Variants in ICA1 observed in about 807,000 individuals in gnomAD.
ICA1 encodes islet cell autoantigen 1.
A neutral mutation model predicts 71.0 loss-of-function variants in ICA1; 40 were observed. That is an observed-to-expected ratio of 0.56 (90% CI 0.44 to 0.73). The LOEUF (loss-of-function observed/expected upper bound fraction) is 0.73, where lower values mean the gene tolerates loss of function less well. ICA1 is among the 30% of genes least tolerant of loss of function. The pLI is 0.00. For missense variants in ICA1, 578 were observed against 576.5 expected, an observed-to-expected ratio of 1.00 and a Z score of -0.03; for synonymous variants, 207 against 209.5, an observed-to-expected ratio of 0.99 and a Z score of 0.10.
chr7:8,164,057 G>A (rs1188433507), intron 6 of ICA1, among the ~76,000 whole-genome samples: 3 of 151,854 alleles, frequency 2.0e-5, no homozygotes, highest in Non-Finnish European at 4.4e-5. Flanking sequence ...CCTGTAATCC[G>A]CACTTTGGGA....
intron 1 of ICA1, among the ~76,000 whole-genome samples, chr7:8,259,708 A>C (rs936198349): frequency 3.3e-5 from 5 of 152,216 alleles, no homozygotes; most frequent in Admixed American, 2.0e-4. Context: ...ACGGCTAGTT[A>C]GGTGTTACCG....
intron 13 of ICA1, among the ~76,000 whole-genome samples, chr7:8,115,975 TGGG>T (rs982407774): frequency 6.6e-6 from 1 of 152,224 alleles, no homozygotes; most frequent in African/African-American, 2.4e-5. Flanking sequence ...CAACCAAACT[TGGG>T]GACCACCCAA....
chr7:8,228,304 A>G (rs1444609281), intron 4 of ICA1, among the ~76,000 whole-genome samples: 1 of 152,210 alleles, frequency 6.6e-6, no homozygotes, highest in Non-Finnish European at 1.5e-5. Flanking sequence ...ATTAAAAAAA[A>G]ACCTGAAGGT....
rs115734574 is a variant in ICA1 at position 8,138,666 on chromosome 7, C to T, written c.1060+174G>A. On this transcript the variant is annotated intron_variant, in intron 12 of 13. Transcript: ENST00000402384. ...TTATACTAATGATGATAGGTCTACA[C>T]ATACTATTTTGTGCTTGGGCATATT... Among the ~76,000 whole-genome samples the T allele has an allele frequency of 6.8e-3, 1,028 of 152,280 alleles. 11 individuals are homozygous for T. The highest frequency in any genetic ancestry group is 0.023 in the African/African-American group (955 of 41,546).
intron 9 of ICA1, among the ~76,000 whole-genome samples, chr7:8,142,554 T>C (rs1320505605): frequency 5.3e-5 from 8 of 152,224 alleles, no homozygotes. Flanking sequence ...ATTTTGATTG[T>C]ATGAACTTAT....
At chr7:8,124,660 A>G (rs1156323455) in intron 13 of ICA1, among the ~76,000 whole-genome samples, 1 of 152,176 alleles carries the variant, frequency 6.6e-6, no homozygotes, top group African/African-American at 2.4e-5. Flanking sequence ...CAGAAGCTGA[A>G]TGGTCTGCTT....
chr7:8,179,370 G>C (rs899701025), intron 6 of ICA1, among the ~76,000 whole-genome samples: 1 of 152,184 alleles, frequency 6.6e-6, no homozygotes, highest in Admixed American at 6.5e-5. Flanking sequence ...GTGGGTTGAA[G>C]TCTAACAATC....
At chr7:8,135,647 C>G (rs1261539151) in intron 12 of ICA1, among the ~76,000 whole-genome samples, 1 of 152,180 alleles carries the variant, frequency 6.6e-6, no homozygotes, top group Non-Finnish European at 1.5e-5. Flanking sequence ...AAAGTTTTCA[C>G]CCACACCTAT....
In ICA1 at chr7:8,253,382, A is replaced by C. The variant is rs137883959; in HGVS notation, c.-80+8712T>G. Among the ~76,000 whole-genome samples, 836 of 152,336 alleles carry C rather than the reference A, an allele frequency of 5.5e-3. 8 individuals are homozygous for C. Among genetic ancestry groups the C allele is most frequent in the Non-Finnish European group, 6.5e-3 (440 of 68,036 alleles). On this transcript the variant is annotated intron_variant, in intron 1 of 13. Coordinates refer to ENST00000402384, the MANE Select transcript of ICA1 (RefSeq NM_001136020.3). ...TTTGTGTCAAATTAGATTTATGTGA[A>C]TAGTAAGTGAAGTGGTGGGCTACTA...
chr7:8,169,901 A>AGTGTGTGTGTGTGTGTGTGT lies in ICA1; in HGVS notation c.580-11269_580-11250dup, dbSNP rs58794085. On this transcript the variant is annotated intron_variant, in intron 6 of 13. Coordinates refer to ENST00000402384, the MANE Select transcript of ICA1 (RefSeq NM_001136020.3). ...TTGTGTGTGTGTGTTTTAATGCCTG[A>AGTGTGTGTGTGTGTGTGTGT]GTGTGTGTGTGTGTGTGTGTGTGTG... is the stretch of plus-strand genomic sequence containing the variant. 1.9e-3 allele frequency among the ~76,000 whole-genome samples: 279 copies of AGTGTGTGTGTGTGTGTGTGT among 147,190 alleles called. 4 individuals are homozygous for AGTGTGTGTGTGTGTGTGTGT. The highest frequency in any genetic ancestry group is 6.2e-3 in the Admixed American group (91 of 14,678).
At position 8,114,013 on chromosome 7, in the gene ICA1, G is replaced by C. The variant is rs764620805; in HGVS notation, c.1362C>G (p.Ala454=). 2 of 1,614,174 alleles carry C rather than the reference G, an allele frequency of 1.2e-6. No homozygotes were observed. Among genetic ancestry groups the C allele is most frequent in the South Asian group, 1.1e-5 (1 of 91,078 alleles). ...CGAGGTCAGCGAAGAGGCTGAACCA[G>C]GCAGTCAGGTCTGAGGCAGCCTTAG... ...EPAKAASDLT[A]WFSLFADLDP... Residue 454 remains alanine (A), a synonymous_variant, in exon 14 of 14, where the codon GCC becomes GCG. Transcript: ENST00000402384.
chr7:8,243,489 C>T (rs1043061980), intron 1 of ICA1, among the ~76,000 whole-genome samples: 2 of 152,184 alleles, frequency 1.3e-5, no homozygotes, highest in Non-Finnish European at 2.9e-5. Context: ...TGGAAGCATT[C>T]CCTCTGAAAA....
chr7:8,177,543 A>G (rs1015842289), intron 6 of ICA1, among the ~76,000 whole-genome samples: 1 of 152,090 alleles, frequency 6.6e-6, no homozygotes, highest in South Asian at 2.1e-4. Flanking sequence ...TCCCATTGGT[A>G]TTTCCTTTAT....
At chr7:8,119,801 G>A (rs934712548) in intron 13 of ICA1, among the ~76,000 whole-genome samples, 5 of 152,182 alleles carry the variant, frequency 3.3e-5, no homozygotes, top group East Asian at 3.9e-4. Context: ...AGCCGAGATC[G>A]TGCCACTGTA....
At chr7:8,205,100 G>C (rs59171473) in intron 6 of ICA1, among the ~76,000 whole-genome samples, 2 of 150,608 alleles carry the variant, frequency 1.3e-5, no homozygotes, top group South Asian at 2.1e-4. Flanking sequence ...AAAAAGGCGG[G>C]GGGGTGGGCT....
rs117481473 is a variant in ICA1 at position 8,254,765 on chromosome 7, T to C, written c.-80+7329A>G. Among the ~76,000 whole-genome samples the C allele has an allele frequency of 8.5e-3, 1,291 of 151,080 alleles. 13 individuals carry two copies. The highest frequency in any genetic ancestry group is 0.027 in the Middle Eastern group (8 of 294). On this transcript the variant is annotated intron_variant, in intron 1 of 13. Coordinates refer to ENST00000402384, the MANE Select transcript of ICA1 (RefSeq NM_001136020.3). ...GAAACAGGAAGCAGAAAGTGGGGAG[T>C]GGCTTAGCACAAACACAACACAATG...
rs1338850755 is a variant in ICA1 at position 8,138,171 on chromosome 7, C to G, written c.1060+669G>C. ...TTACTTAACACTCTACATTCTCACT[C>G]AAATCCATGGTTCTGGATTCTCTTT... is the stretch of plus-strand genomic sequence containing the variant. On this transcript the variant is annotated intron_variant, in intron 12 of 13. Transcript: ENST00000402384. 2.0e-5 allele frequency among the ~76,000 whole-genome samples: 3 copies of G among 152,216 alleles called. No individual in the cohort carries two copies. In the East Asian group the frequency reaches 5.8e-4, roughly 29 times the overall value.
intron 6 of ICA1, among the ~76,000 whole-genome samples, chr7:8,167,233 C>T (rs1425182480): frequency 6.6e-6 from 1 of 152,142 alleles, no homozygotes. Context: ...TAAACACCCA[C>T]CAGTGGTAGA....
At chr7:8,167,341 GAGGTCATTATCCTA>G (rs1171708035) in intron 6 of ICA1, among the ~76,000 whole-genome samples, 1 of 152,152 alleles carries the variant, frequency 6.6e-6, no homozygotes, top group Non-Finnish European at 1.5e-5. Flanking sequence ...GATGCAGATG[GAGGTCATTATCCTA>G]AGTGAACTAA....
Sources: gnomAD v4.1 joint callset for allele counts (sites outside exome capture counted in the v4.1 genomes callset) on GRCh38, gnomAD v4.1.1 for gene constraint, MANE v1.5 for transcripts, NCBI Gene and HGNC (gene_info 2026-07-23, HGNC 2026-07-21) for gene names.